MDP1: variants seen among roughly 807,000 people sequenced by gnomAD.
The protein encoded by MDP1 is magnesium dependent phosphatase 1, also known as magnesium-dependent phosphatase 1.
Under a neutral mutation model 21.6 loss-of-function variants are expected in MDP1, and 18 were observed. The observed-to-expected ratio is 0.83, with a 90% CI of 0.58 to 1.24. MDP1 has a LOEUF of 1.24. Among genes scored for constraint, MDP1 ranks in the 50% most tolerant of loss-of-function variants. MDP1 has a pLI of 0.00. For missense variants in MDP1, 207 were observed against 218.6 expected, an observed-to-expected ratio of 0.95 and a Z score of 0.33; for synonymous variants, 101 against 83.2, an observed-to-expected ratio of 1.21 and a Z score of -1.16.
At position 24,215,669 on chromosome 14, in the gene MDP1, A is replaced by C. The variant is rs1376917389; in HGVS notation, c.99-7T>G. The C allele has an allele frequency of 6.2e-7, 1 of 1,614,134 alleles. No individual in the cohort carries two copies. The highest frequency in any genetic ancestry group is 1.7e-5 in the Admixed American group (1 of 60,016). ...ATCTCGTACAGTTCCATCACTGGAG[A>C]GGGCAAGAGTGCGCTCAGCCCTGGC... is the stretch of plus-strand genomic sequence containing the variant. On this transcript the variant is annotated splice_polypyrimidine_tract_variant and splice_region_variant and intron_variant, in intron 2 of 5. Coordinates refer to ENST00000288087, the MANE Select transcript of MDP1 (RefSeq NM_138476.4).
chr14:24,216,013 G>T lies in MDP1; in HGVS notation c.-58C>A. The T allele has an allele frequency of 5.0e-6, 8 of 1,610,494 alleles. No homozygotes were observed. The highest frequency in any genetic ancestry group is 6.8e-6 in the Non-Finnish European group (8 of 1,178,294). On this transcript the variant is annotated 5_prime_UTR_variant, in exon 1 of 6. Transcript: ENST00000288087. ...GGGGCTTCACCCGGGGCCTTAGAGA[G>T]TGCGGAACCTCCGGCAGCTAAGGCA...
rs760031509 is a variant in MDP1, at chr14:24,215,951, G to C, written c.5C>G (p.Ala2Gly). The C allele has an allele frequency of 2.7e-5, 44 of 1,614,054 alleles. No homozygotes were observed. The highest frequency in any genetic ancestry group is 3.7e-5 in the Non-Finnish European group (44 of 1,180,038). MARLPKLAVFDL... is the reference protein window; with the variant it reads MGRLPKLAVFDL... ...AAAGACTGCCAGCTTCGGTAGCCGCGCCATGACCCGCACCGCAGGCTGCGC... is the reference window on the plus strand; with the variant it reads ...AAAGACTGCCAGCTTCGGTAGCCGCCCCATGACCCGCACCGCAGGCTGCGC... The change falls in exon 1 of 6, where the codon GCG becomes GGG. Residue 2 changes from alanine (A) to glycine (G), a missense_variant. Ala to Gly is a moderately conservative substitution (Grantham distance 60). Coordinates refer to ENST00000288087, the MANE Select transcript of MDP1 (RefSeq NM_138476.4).
intron 3 of MDP1, 106 bp from the exon 4 acceptor site, chr14:24,214,705 T>C: frequency 7.8e-7 from 1 of 1,287,216 alleles, no homozygotes; most frequent in South Asian, 1.4e-5. Context: ...ACTTGCTGTT[T>C]TTCCGGGATG....
At chr14:24,215,243 G>C (rs186290545) in intron 3 of MDP1, among the ~76,000 whole-genome samples, 1 of 151,822 alleles carries the variant, frequency 6.6e-6, no homozygotes, top group East Asian at 1.9e-4. Flanking sequence ...GTGCCACCAC[G>C]CCCTGCTAAT....
chr14:24,214,420 C>A, intron 4 of MDP1, 25 bp from the exon 5 acceptor site: 1 of 1,614,168 alleles, frequency 6.2e-7, no homozygotes, highest in Non-Finnish European at 8.5e-7. Context: ...GCAGGAGTAA[C>A]CAAGCTAGTA....
intron 3 of MDP1, among the ~76,000 whole-genome samples, chr14:24,215,245 C>T (rs2039664056): frequency 6.6e-6 from 1 of 151,732 alleles, no homozygotes; most frequent in South Asian, 2.1e-4. Context: ...GCCACCACGC[C>T]CTGCTAATTT....
intron 3 of MDP1, 42 bp from the exon 4 acceptor site, chr14:24,214,641 C>T: frequency 6.2e-7 from 1 of 1,605,268 alleles, no homozygotes; most frequent in Non-Finnish European, 8.5e-7. Flanking sequence ...AAGTGAAGGG[C>T]CAGGGCTACG....
intron 5 of MDP1, 35 bp downstream of exon 5, chr14:24,214,275 G>T (rs1353766537): frequency 6.2e-7 from 1 of 1,613,842 alleles, no homozygotes; most frequent in South Asian, 1.1e-5. Context: ...ATCCCTCCTA[G>T]GGACCCCAAA....
chr14:24,216,018 GAACCTCCGGCAGCT>G lies in MDP1; in HGVS notation c.-77_-64del. On this transcript the variant is annotated 5_prime_UTR_variant, in exon 1 of 6. The change creates a premature stop within an existing upstream ORF in the 5' untranslated region. Coordinates refer to ENST00000288087, the MANE Select transcript of MDP1 (RefSeq NM_138476.4). ...TTCACCCGGGGCCTTAGAGAGTGCG[GAACCTCCGGCAGCT>G]AAGGCAGCCACCCTGCCTGCCATAG... The G allele has an allele frequency of 6.2e-7, 1 of 1,608,650 alleles. No individual in the cohort carries two copies. Among genetic ancestry groups the G allele is most frequent in the Non-Finnish European group, 8.5e-7 (1 of 1,177,534 alleles).
At position 24,215,932 on chromosome 14, in the gene MDP1, T is replaced by A. The variant is rs1167560740; in HGVS notation, c.24A>T (p.Ala8=). 2 of 1,614,194 alleles carry A rather than the reference T, an allele frequency of 1.2e-6. No homozygotes were observed. The highest frequency in any genetic ancestry group is 1.7e-6 in the Non-Finnish European group (2 of 1,180,030). Residue 8 remains alanine, a synonymous_variant, in exon 1 of 6, where the codon GCA becomes GCT. Transcript: ENST00000288087. ...CCCGTCCCTCACCCAAATCAAAGACTGCCAGCTTCGGTAGCCGCGCCATGA... is the reference window on the plus strand; with the variant it reads ...CCCGTCCCTCACCCAAATCAAAGACAGCCAGCTTCGGTAGCCGCGCCATGA... The part of the protein sequence containing the change: MARLPKL[A]VFDLDYTLWP...
rs1481307772 is a variant in MDP1, at chr14:24,214,403, A to G, written c.318-8T>C. 6.2e-7 allele frequency: 1 copy of G among 1,614,196 alleles called. No homozygotes were observed. Among genetic ancestry groups the G allele is most frequent in the Admixed American group, 1.7e-5 (1 of 60,030 alleles). On this transcript the variant is annotated splice_polypyrimidine_tract_variant and splice_region_variant and intron_variant, in intron 4 of 5. Transcript: ENST00000288087. ...CCAGTCTTCTGCTGCAACCTATTCA[A>G]GACAGGGCAGGAGTAACCAAGCTAG...
At chr14:24,215,846 G>A in intron 1 of MDP1, 49 bp from the exon 2 acceptor site, 2 of 1,614,060 alleles carry the variant, frequency 1.2e-6, no homozygotes, top group Non-Finnish European at 1.7e-6. Context: ...GGAGATGCAG[G>A]GATTCGGGAG....
chr14:24,215,989 G>T lies in MDP1; in HGVS notation c.-34C>A, dbSNP rs2039690540. 1 of 1,613,896 alleles carries T rather than the reference G, an allele frequency of 6.2e-7. No homozygotes were observed. The highest frequency in any genetic ancestry group is 8.5e-7 in the Non-Finnish European group (1 of 1,179,992). ...CCGCAGGCTGCGCGCAGCAGAGGTGGGGCTTCACCCGGGGCCTTAGAGAGT... is the reference window on the plus strand; with the variant it reads ...CCGCAGGCTGCGCGCAGCAGAGGTGTGGCTTCACCCGGGGCCTTAGAGAGT... On this transcript the variant is annotated 5_prime_UTR_variant, in exon 1 of 6. Coordinates refer to ENST00000288087, the MANE Select transcript of MDP1 (RefSeq NM_138476.4).
Position 24,215,592 on chromosome 14 carries a change from G to A in MDP1, c.169C>T (p.Arg57Ter). Residue 57 changes from arginine (R) to a stop codon, truncating the protein, a stop_gained, in exon 3 of 6, where the codon CGA (arginine) becomes TGA (stop). Transcript: ENST00000288087. LOFTEE classifies it high-confidence loss of function. The part of the protein sequence containing the change: ...LYPEVPEVLK[R>*]LQSLGVPGAA... The stretch of plus-strand genomic sequence containing the variant: ...CCGGGCACCCCAAGGCTCTGCAATC[G>A]TTTTAGGACCTCAGGCACCTCTGGG... 2 of 1,614,160 alleles carry A rather than the reference G, an allele frequency of 1.2e-6. No individual in the cohort carries two copies. The highest frequency in any genetic ancestry group is 4.5e-5 in the East Asian group (2 of 44,870).
chr14:24,214,685 A>C, intron 3 of MDP1, 86 bp from the exon 4 acceptor site: 1 of 1,464,174 alleles, frequency 6.8e-7, no homozygotes, highest in Non-Finnish European at 9.4e-7. Context: ...AAGTATAACC[A>C]GGGAAATCAA....
At chr14:24,215,081 CTTTTT>C (rs907932145) in intron 3 of MDP1, among the ~76,000 whole-genome samples, 3 of 111,270 alleles carry the variant, frequency 2.7e-5, no homozygotes, top group African/African-American at 7.6e-5. Flanking sequence ...TCTGGCCCCA[CTTTTT>C]TTTTTTTTTT....
Position 24,215,811 on chromosome 14 carries a change from G to A in MDP1, c.38-14C>T, listed in dbSNP as rs1377008154. 1 of 1,614,228 alleles carries A rather than the reference G, an allele frequency of 6.2e-7. No homozygotes were observed. ...AGAGAGTGTAATCTGCGAGAGGAAG[G>A]AGAGGGAAGGTTCAGCCTGGGGCGG... On this transcript the variant is annotated splice_polypyrimidine_tract_variant and intron_variant, in intron 1 of 5. Transcript: ENST00000288087.
chr14:24,215,366 G>A (rs1405999933), intron 3 of MDP1, among the ~76,000 whole-genome samples, 186 bp downstream of exon 3: 1 of 151,416 alleles, frequency 6.6e-6, no homozygotes, highest in Non-Finnish European at 1.5e-5. Context: ...TTACAGACGT[G>A]AGCCACCGCG....
chr14:24,215,129 A>C (rs1594475436), intron 3 of MDP1, among the ~76,000 whole-genome samples: 1 of 122,908 alleles, frequency 8.1e-6, no homozygotes, highest in African/African-American at 3.3e-5. Flanking sequence ...TCTGTCACCC[A>C]GGCTGAAGTG....
Sources: allele counts gnomAD v4.1 joint callset (sites outside exome capture counted in the v4.1 genomes callset), GRCh38; gene constraint gnomAD v4.1.1; transcripts MANE v1.5; gene names NCBI Gene and HGNC (gene_info 2026-07-23, HGNC 2026-07-21).